The following WWOX variants were observed in gnomAD, a reference collection of about 807,000 sequenced individuals.
WWOX encodes WW domain containing oxidoreductase.
Under a neutral mutation model 46.2 loss-of-function variants are expected in WWOX, and 69 were observed. The ratio of observed to expected loss-of-function variants is 1.49; its 90% CI spans 1.23 to 1.82. The LOEUF (loss-of-function observed/expected upper bound fraction) is 1.82. Among genes scored for constraint, WWOX ranks in the 40% most tolerant of loss-of-function variants. WWOX has a pLI of 0.00. For missense variants in WWOX, 919 were observed against 542.6 expected (o/e 1.69, Z -6.89); for synonymous variants, 359 against 202.6 (o/e 1.77, Z -6.56).
intron 8 of WWOX, among the ~76,000 whole-genome samples, chr16:78,933,292 A>C (rs1283577640): frequency 6.6e-6 from 1 of 152,202 alleles, no homozygotes; most frequent in African/African-American, 2.4e-5. Context: ...TACAAAAATT[A>C]GCTGAGCATG....
intron 8 of WWOX, among the ~76,000 whole-genome samples, chr16:79,188,672 T>G (rs1251054645): frequency 1.3e-5 from 2 of 152,372 alleles, no homozygotes; most frequent in African/African-American, 4.8e-5. Context: ...TTGCATGTGC[T>G]GGGTTGGGTC....
intron 8 of WWOX, among the ~76,000 whole-genome samples, chr16:78,550,324 G>C (rs1265471366): frequency 6.6e-6 from 1 of 152,160 alleles, no homozygotes; most frequent in Non-Finnish European, 1.5e-5. Context: ...TTTCTGCTTT[G>C]TGGCCTACAA....
chr16:78,938,529 G>A (rs1473845170), intron 8 of WWOX, among the ~76,000 whole-genome samples: 2 of 151,918 alleles, frequency 1.3e-5, no homozygotes, highest in African/African-American at 4.8e-5. Flanking sequence ...GACCTGTCCC[G>A]TCGGTATTAG....
chr16:78,531,798 T>TA (rs2043629605), intron 8 of WWOX, among the ~76,000 whole-genome samples: 2 of 152,072 alleles, frequency 1.3e-5, no homozygotes, highest in South Asian at 4.2e-4. Context: ...GCAGAGGTTG[T>TA]AGTGAGCCAA....
chr16:78,671,202 C>T (rs1485757798), intron 8 of WWOX, among the ~76,000 whole-genome samples: 2 of 152,144 alleles, frequency 1.3e-5, no homozygotes, highest in Non-Finnish European at 2.9e-5. Flanking sequence ...GCAGGTGGAT[C>T]ACTTCAACCC....
intron 8 of WWOX, among the ~76,000 whole-genome samples, chr16:78,774,931 A>T (rs1490209347): frequency 6.6e-6 from 1 of 152,200 alleles, no homozygotes; most frequent in Non-Finnish European, 1.5e-5. Context: ...ACTCATGGAC[A>T]GCATGGGGTC....
intron 5 of WWOX, among the ~76,000 whole-genome samples, chr16:78,294,243 C>T (rs2079906703): frequency 6.6e-6 from 1 of 152,100 alleles, no homozygotes; most frequent in South Asian, 2.1e-4. Flanking sequence ...CCAGTTGATT[C>T]TTCTCTGGAC....
At chr16:78,916,163 A>C (rs2045246712) in intron 8 of WWOX, among the ~76,000 whole-genome samples, 1 of 152,200 alleles carries the variant, frequency 6.6e-6, no homozygotes, top group Non-Finnish European at 1.5e-5. Context: ...CTCTCAGCCG[A>C]ATCCTAAACA....
chr16:78,443,016 G>C (rs1054207586), intron 8 of WWOX, among the ~76,000 whole-genome samples: 2 of 151,594 alleles, frequency 1.3e-5, no homozygotes, highest in Admixed American at 1.3e-4. Flanking sequence ...GGTGCCTGTA[G>C]TCCCAGCTAC....
chr16:78,137,295 C>G (rs192468580), intron 4 of WWOX, among the ~76,000 whole-genome samples: 20 of 152,334 alleles, frequency 1.3e-4, no homozygotes, highest in African/African-American at 4.6e-4. Context: ...CCTCCGATAA[C>G]TAGACGTGCT....
intron 5 of WWOX, among the ~76,000 whole-genome samples, chr16:78,324,712 G>T (rs987366689): frequency 7.6e-6 from 1 of 130,732 alleles, no homozygotes; most frequent in African/African-American, 2.8e-5. Context: ...GTGAGATTCC[G>T]TTCTGTGATA....
intron 8 of WWOX, among the ~76,000 whole-genome samples, chr16:78,537,408 C>G (rs538477795): frequency 1.1e-3 from 160 of 152,306 alleles, no homozygotes; most frequent in Non-Finnish European, 1.4e-3. Flanking sequence ...AGCGGTGGAA[C>G]TGATTTTCTC....
intron 8 of WWOX, among the ~76,000 whole-genome samples, chr16:78,864,501 T>C (rs896974733): frequency 1.3e-5 from 2 of 152,074 alleles, no homozygotes; most frequent in Non-Finnish European, 2.9e-5. Flanking sequence ...ACTCCTGGGA[T>C]CAGGAGATCC....
chr16:78,780,284 C>G (rs903034502), intron 8 of WWOX: 1 of 152,144 alleles, frequency 6.6e-6, no homozygotes, highest in East Asian at 1.9e-4. Flanking sequence ...TTCTTGTCTT[C>G]CCCGACTCAA....
chr16:78,269,820 C>A (rs2079438779), intron 5 of WWOX, among the ~76,000 whole-genome samples: 1 of 151,700 alleles, frequency 6.6e-6, no homozygotes, highest in African/African-American at 2.4e-5. Flanking sequence ...TGTTTGAAAA[C>A]ACACACACAC....
chr16:78,244,486 A>G (rs2037756174), intron 5 of WWOX, among the ~76,000 whole-genome samples: 1 of 152,218 alleles, frequency 6.6e-6, no homozygotes, highest in Non-Finnish European at 1.5e-5. Flanking sequence ...CCCTGCCTTA[A>G]TGAAGACCAT....
intron 4 of WWOX, among the ~76,000 whole-genome samples, chr16:78,121,487 A>C (rs1262039209): frequency 6.6e-6 from 1 of 152,238 alleles, no homozygotes; most frequent in South Asian, 2.1e-4. Flanking sequence ...TGATCAAAGT[A>C]TTTGAGAAGT....
chr16:79,100,355 C>T (rs766046756), intron 8 of WWOX, among the ~76,000 whole-genome samples: 9 of 152,150 alleles, frequency 5.9e-5, no homozygotes, highest in South Asian at 2.1e-4. Context: ...GCCTGAGAAA[C>T]GAGACATTAG....
At chr16:78,398,114 G>A (rs139733983) in intron 6 of WWOX, among the ~76,000 whole-genome samples, 3 of 152,262 alleles carry the variant, frequency 2.0e-5, no homozygotes, top group African/African-American at 4.8e-5. Context: ...CCAAGGGGTC[G>A]TTTTGCTATT....
Sources: gnomAD v4.1 joint callset for allele counts (sites outside exome capture counted in the v4.1 genomes callset) on GRCh38, gnomAD v4.1.1 for gene constraint, MANE v1.5 for transcripts, NCBI Gene and HGNC (gene_info 2026-07-23, HGNC 2026-07-21) for gene names.